The following CACNA1H variants were observed in gnomAD, a reference collection of about 807,000 sequenced individuals.
CACNA1H encodes calcium voltage-gated channel subunit alpha1 H.
A neutral mutation model predicts 192.5 loss-of-function variants in CACNA1H; 149 were observed. The ratio of observed to expected loss-of-function variants is 0.77; its 90% CI spans 0.68 to 0.89. CACNA1H has a LOEUF of 0.89. Among genes scored for constraint, CACNA1H ranks in the 40% least tolerant of loss-of-function variants. The pLI is 0.00. For missense variants in CACNA1H, 4,257 were observed against 3,423.5 expected (o/e 1.24, Z -6.08); for synonymous variants, 2,202 against 1,475.2 (o/e 1.49, Z -11.29).
chr16:1,187,184 C>A (rs898614913), intron 2 of CACNA1H, among the ~76,000 whole-genome samples: 1 of 152,254 alleles, frequency 6.6e-6, no homozygotes, highest in African/African-American at 2.4e-5. Flanking sequence ...GTTGAGCGTT[C>A]CTGAGAATGA....
intron 34 of CACNA1H, 87 bp downstream of exon 34, chr16:1,219,217 C>T (rs529163293): frequency 3.4e-5 from 45 of 1,316,034 alleles, no homozygotes; most frequent in Middle Eastern, 4.4e-4. Context: ...GACCAGCAGA[C>T]GAGGACAAGG....
At chr16:1,205,600 G>C (rs1349453734) in intron 11 of CACNA1H, among the ~76,000 whole-genome samples, 2 of 152,244 alleles carry the variant, frequency 1.3e-5, no homozygotes, top group Non-Finnish European at 2.9e-5. Flanking sequence ...AGAAAGACCA[G>C]CTTAAAAGGC....
intron 2 of CACNA1H, among the ~76,000 whole-genome samples, chr16:1,189,622 G>T (rs1448464365): frequency 1.3e-5 from 2 of 151,830 alleles, no homozygotes; most frequent in African/African-American, 4.8e-5. Flanking sequence ...GGGTCTCACT[G>T]TGTTGCCCAG....
Position 1,200,429 on chromosome 16 carries a change from A to G in CACNA1H, c.977A>G (p.Gln326Arg). The G allele has an allele frequency of 6.2e-7, 1 of 1,610,160 alleles. No individual in the cohort carries two copies. Among genetic ancestry groups the G allele is most frequent in the African/African-American group, 1.3e-5 (1 of 74,998 alleles). Residue 326 changes from glutamine (Q) to arginine (R), a missense_variant, in exon 7 of 35, where the codon CAG (glutamine) becomes CGG (arginine). Physicochemically the swap from Gln to Arg is conservative, Grantham distance 43. Coordinates refer to ENST00000348261, the MANE Select transcript of CACNA1H (RefSeq NM_021098.3). ...TLGWEAYTQP[Q>R]AEGVGAARNA... ...GGCTGGGAGGCCTACACGCAGCCGCAGGCCGAGGGGGTGGGCGCTGCACGC... is the reference window on the plus strand; with the variant it reads ...GGCTGGGAGGCCTACACGCAGCCGCGGGCCGAGGGGGTGGGCGCTGCACGC...
At position 1,213,741 on chromosome 16, in the gene CACNA1H, G is replaced by A. The variant is rs767089625; in HGVS notation, c.4778-39G>A. ...TCTGCAGGAGCCAGGAGCGCCGGGC[G>A]GCCCTCCTGCCCGGCGCTCATGGCC... On this transcript the variant is annotated intron_variant, in intron 26 of 34. Transcript: ENST00000348261. 4.4e-5 allele frequency: 65 copies of A among 1,466,544 alleles called. No homozygotes were observed. In the East Asian group the frequency reaches 1.1e-3, roughly 25 times the overall value. 90.8% of individuals were successfully genotyped at this position (1,466,544 alleles called of 1,614,324 possible).
chr16:1,170,324 G>A (rs536166354), intron 2 of CACNA1H, among the ~76,000 whole-genome samples: 2 of 152,228 alleles, frequency 1.3e-5, no homozygotes, highest in Non-Finnish European at 2.9e-5. Context: ...GTCGCACCAT[G>A]GCTATGGGGC....
Position 1,209,234 on chromosome 16 carries a change from G to T in CACNA1H, c.3566G>T (p.Arg1189Leu). The T allele has an allele frequency of 6.5e-7, 1 of 1,545,418 alleles. No homozygotes were observed. The change falls in exon 17 of 35, where the codon CGT (arginine) becomes CTT (leucine). Residue 1189 changes from arginine to leucine, a missense_variant. By Grantham distance (102) the Arg-to-Leu change is moderately radical. Coordinates refer to ENST00000348261, the MANE Select transcript of CACNA1H (RefSeq NM_021098.3). The part of the protein sequence containing the change: ...AEDGRAAPGP[R>L]ATPLRRAESL... ...GACGGCAGGGCCGCGCCCGGGCCCC[G>T]TGCCACCCCACTGCGGCGGGCCGAG...
rs1391554267 is a variant in CACNA1H, at chr16:1,202,168, A to G, written c.1718A>G (p.His573Arg). 3 of 1,552,014 alleles carry G rather than the reference A, an allele frequency of 1.9e-6. No individual in the cohort carries two copies. Among genetic ancestry groups the G allele is most frequent in the Non-Finnish European group, 2.6e-6 (3 of 1,148,430 alleles). The change falls in exon 9 of 35, where the codon CAC becomes CGC. Residue 573 changes from histidine to arginine, a missense_variant. Transcript: ENST00000348261. ...GRGPPDAESV[H>R]SIYHADCHIE... ...GGACCCCCCGACGCAGAGTCTGTGCACAGCATCTACCATGCCGACTGCCAC... is the reference window on the plus strand; with the variant it reads ...GGACCCCCCGACGCAGAGTCTGTGCGCAGCATCTACCATGCCGACTGCCAC...
intron 26 of CACNA1H, among the ~76,000 whole-genome samples, chr16:1,213,052 C>T (rs1232555712): frequency 2.0e-5 from 3 of 152,188 alleles, no homozygotes; most frequent in Non-Finnish European, 2.9e-5. Context: ...CCTCCTCGTA[C>T]GTGGAGGGGC....
chr16:1,183,497 G>A (rs554742857), intron 2 of CACNA1H, among the ~76,000 whole-genome samples: 4 of 152,290 alleles, frequency 2.6e-5, no homozygotes, highest in East Asian at 1.9e-4. Context: ...TTCAGTCAGC[G>A]CATCCCCGGC....
chr16:1,185,045 C>G lies in CACNA1H; in HGVS notation c.300-9927C>G, dbSNP rs113354972. ...CCGCATCCCCATCAGCCCTCGCTGC[C>G]CAGCCCTGGTGGTCTCTACCCCGCT... is the stretch of plus-strand genomic sequence containing the variant. On this transcript the variant is annotated intron_variant, in intron 2 of 34. Transcript: ENST00000348261. 5.5e-3 allele frequency among the ~76,000 whole-genome samples: 836 copies of G among 152,318 alleles called. 5 individuals carry two copies. The highest frequency in any genetic ancestry group is 0.019 in the African/African-American group (801 of 41,564).
rs193114123 is a variant in CACNA1H, at chr16:1,199,024, C to T, written c.803+250C>T. On this transcript the variant is annotated intron_variant, in intron 6 of 34. Coordinates refer to ENST00000348261, the MANE Select transcript of CACNA1H (RefSeq NM_021098.3). ...CACGGTGCAGTCGCTGCACATATGCCCCACCCCCCACCATGGCTCCGCCCA... is the reference window on the plus strand; with the variant it reads ...CACGGTGCAGTCGCTGCACATATGCTCCACCCCCCACCATGGCTCCGCCCA... 176 of 481,840 alleles carry T rather than the reference C, an allele frequency of 3.7e-4. 1 individual carries two copies. The highest frequency in any genetic ancestry group is 2.8e-3 in the African/African-American group (137 of 48,248). 29.8% of individuals were successfully genotyped at this position (481,840 alleles called of 1,614,324 possible). A position where few individuals can be genotyped will look rare whatever the true frequency, so the allele number is the denominator to read the frequency against.
chr16:1,183,017 C>T (rs1965623876), intron 2 of CACNA1H, among the ~76,000 whole-genome samples: 1 of 151,946 alleles, frequency 6.6e-6, no homozygotes, highest in South Asian at 2.1e-4. Context: ...GGTACAGGTA[C>T]CTGTGAAGGA....
In CACNA1H at chr16:1,180,779, C is replaced by T. The variant is rs1965386886; in HGVS notation, c.300-14193C>T. ...GGGCCTGTGGCTCCCACAGGGAGGCCCCTTAGGTGAAGAGGACCAGAGTGA... is the reference window on the plus strand; with the variant it reads ...GGGCCTGTGGCTCCCACAGGGAGGCTCCTTAGGTGAAGAGGACCAGAGTGA... On this transcript the variant is annotated intron_variant, in intron 2 of 34. Transcript: ENST00000348261. This position sits in a 1 kb window ranked among gnomAD's most constrained non-coding sequence, Gnocchi z 4.4. Among the ~76,000 whole-genome samples the T allele has an allele frequency of 6.6e-6, 1 of 152,066 alleles. No homozygotes were observed. The highest frequency in any genetic ancestry group is 2.1e-4 in the South Asian group (1 of 4,826).
intron 2 of CACNA1H, among the ~76,000 whole-genome samples, chr16:1,183,268 GTTCCCCCAGTT>G (rs1567470755): frequency 6.6e-6 from 1 of 152,124 alleles, no homozygotes; most frequent in Non-Finnish European, 1.5e-5. Context: ...ATGGCGCCGC[GTTCCCCCAGTT>G]TTCCCCCAGC....
At chr16:1,161,231 C>G (rs780775021) in intron 2 of CACNA1H, among the ~76,000 whole-genome samples, 6 of 152,192 alleles carry the variant, frequency 3.9e-5, no homozygotes, top group Non-Finnish European at 7.3e-5. Flanking sequence ...CGAAGCTGTT[C>G]CTTTGTGGAT....
In CACNA1H at chr16:1,155,956, C is replaced by T. The variant is rs1052326216; in HGVS notation, c.299+1920C>T. ...CTGACAGGAGTATGCTCTGGTAGCC[C>T]GAGAGGGACTTGGGTGCTGTCCTGG... On this transcript the variant is annotated intron_variant, in intron 2 of 34. Transcript: ENST00000348261. Among the ~76,000 whole-genome samples the T allele has an allele frequency of 9.9e-5, 15 of 151,896 alleles. 1 individual carries two copies. In the South Asian group the frequency reaches 1.0e-3, roughly 11 times the overall value.
Position 1,211,899 on chromosome 16 carries a change from C to T in CACNA1H, c.4567-47C>T, listed in dbSNP as rs72552040. 1.7e-3 allele frequency: 2,770 copies of T among 1,611,508 alleles called. 7 individuals are homozygous for T. Among genetic ancestry groups the T allele is most frequent in the Non-Finnish European group, 2.0e-3 (2,339 of 1,178,902 alleles). ...ACTCGGGGGGCCATCCTGGGTAGGG[C>T]CCCTGGCGGGGCAGGCGGGCGGGGA... On this transcript the variant is annotated intron_variant, in intron 24 of 34. Coordinates refer to ENST00000348261, the MANE Select transcript of CACNA1H (RefSeq NM_021098.3).
chr16:1,160,929 G>GC lies in CACNA1H; in HGVS notation c.299+6902dup, dbSNP rs113605066. On this transcript the variant is annotated intron_variant, in intron 2 of 34. Transcript: ENST00000348261. ...AGGACCGAGGCATCAGCCCAGTGCG[G>GC]CCCCCCCCCAGCCTCGGTGCAGCCC... Among the ~76,000 whole-genome samples, 263 of 150,706 alleles carry GC rather than the reference G, an allele frequency of 1.7e-3. 1 individual carries two copies. The highest frequency in any genetic ancestry group is 3.5e-3 in the Middle Eastern group (1 of 286).
Sources: allele counts gnomAD v4.1 joint callset (sites outside exome capture counted in the v4.1 genomes callset), GRCh38; gene constraint gnomAD v4.1.1; non-coding constraint Gnocchi (gnomAD v3.1); transcripts MANE v1.5; gene names NCBI Gene and HGNC (gene_info 2026-07-23, HGNC 2026-07-21).